The following NCKAP1 variants were observed in gnomAD, a reference collection of about 807,000 sequenced individuals.
NCKAP1 encodes nck-associated protein 1.
In NCKAP1, 21 loss-of-function variants were observed where a neutral mutation model predicts 151.2. The observed-to-expected ratio is 0.14, with a 90% confidence interval of 0.10 to 0.20. NCKAP1 has a LOEUF of 0.20. Among genes scored for constraint, NCKAP1 ranks in the 10% least tolerant of loss-of-function variants. The probability of loss-of-function intolerance (pLI) is 1.00; values close to 1 mark genes in which losing one functional copy is unlikely to be tolerated. For synonymous variants in NCKAP1, 484 were observed against 451.8 expected, an observed-to-expected ratio of 1.07 and a Z score of -0.90; for missense variants, 933 against 1,352.1, an observed-to-expected ratio of 0.69 and a Z score of 4.86.
rs952211894 is a variant in NCKAP1, at chr2:182,914,366, C to G, written c.*11336G>C. On this transcript the variant is annotated 3_prime_UTR_variant, in exon 31 of 31. Coordinates refer to ENST00000361354, the MANE Select transcript of NCKAP1 (RefSeq NM_013436.5). ...GGGAGCTGACGTTTTGGACTCTGGACAGATACAATACATACCTGCTGCCAG... is the reference window on the plus strand; with the variant it reads ...GGGAGCTGACGTTTTGGACTCTGGAGAGATACAATACATACCTGCTGCCAG... 9 of 152,152 alleles carry G rather than the reference C, an allele frequency of 5.9e-5. No homozygotes were observed. The highest frequency in any genetic ancestry group is 9.7e-5 in the African/African-American group (4 of 41,424). 9.4% of individuals were successfully genotyped at this position (152,152 alleles called of 1,614,324 possible). A position where few individuals can be genotyped will look rare whatever the true frequency, so the allele number is the denominator to read the frequency against.
At chr2:183,027,378 C>T (rs2705746) in intron 1 of NCKAP1, among the ~76,000 whole-genome samples, 9,224 of 152,164 alleles carry the variant, frequency 0.061, 451 homozygotes, top group African/African-American at 0.13. Context: ...AAGTACTAGG[C>T]CCCATCTTAT....
chr2:182,977,613 G>A (rs1303391092), intron 14 of NCKAP1, among the ~76,000 whole-genome samples: 1 of 152,142 alleles, frequency 6.6e-6, no homozygotes, highest in African/African-American at 2.4e-5. Context: ...GTCACAGCAA[G>A]ACAAATACTC....
rs1179083096 is a variant in NCKAP1 at position 183,020,464 on chromosome 2, CAAAAAAA to C, written c.219+3335_219+3341del. Among the ~76,000 whole-genome samples the C allele has an allele frequency of 1.0e-3, 72 of 71,598 alleles. 1 individual carries two copies. Among genetic ancestry groups the C allele is most frequent in the Non-Finnish European group, 1.8e-3 (62 of 35,090 alleles). 47.0% of individuals were successfully genotyped at this position (71,598 alleles called of 152,430 possible). On this transcript the variant is annotated intron_variant, in intron 2 of 30. Transcript: ENST00000361354. ...TGGGCAATAAAGCAGGACCGTGTCC[CAAAAAAA>C]AAAAAAAAAGAAAAAAAAGAAAAAA...
chr2:182,948,263 A>C (rs534282166), intron 23 of NCKAP1, among the ~76,000 whole-genome samples: 2 of 152,262 alleles, frequency 1.3e-5, no homozygotes, highest in South Asian at 4.1e-4. Flanking sequence ...GTTATTATGA[A>C]GGTAAAATGA....
chr2:183,008,568 T>C (rs774457612), intron 2 of NCKAP1, among the ~76,000 whole-genome samples: 4 of 152,132 alleles, frequency 2.6e-5, no homozygotes, highest in Non-Finnish European at 5.9e-5. Context: ...ACCAAGTATG[T>C]TCCCATCGCA....
At chr2:183,019,133 G>A (rs1236648460) in intron 2 of NCKAP1, among the ~76,000 whole-genome samples, 1 of 152,162 alleles carries the variant, frequency 6.6e-6, no homozygotes, top group Admixed American at 6.5e-5. Context: ...CTACTCGCCA[G>A]CAATGTCCCT....
intron 18 of NCKAP1, among the ~76,000 whole-genome samples, chr2:182,959,917 C>A (rs2105830337): frequency 1.3e-5 from 2 of 152,252 alleles, no homozygotes; most frequent in Middle Eastern, 6.8e-3. Context: ...GTGCAAAAAT[C>A]ACAAGCATTC....
chr2:182,997,718 C>G (rs1409098709), intron 6 of NCKAP1, among the ~76,000 whole-genome samples: 1 of 152,100 alleles, frequency 6.6e-6, no homozygotes, highest in African/African-American at 2.4e-5. Flanking sequence ...ACCTACCAAC[C>G]AGAAAAAGCC....
chr2:182,996,527 A>C (rs980503186), intron 6 of NCKAP1, among the ~76,000 whole-genome samples: 6 of 151,872 alleles, frequency 4.0e-5, no homozygotes, highest in Non-Finnish European at 7.4e-5. Context: ...GTGCGATCTC[A>C]GCTCACTGCA....
rs1386959406 is a variant in NCKAP1, at chr2:182,925,000, AT to A, written c.*701del. The A allele has an allele frequency of 5.3e-5, 8 of 152,248 alleles. No homozygotes were observed. Among genetic ancestry groups the A allele is most frequent in the Admixed American group, 2.0e-4 (3 of 15,286 alleles). The allele number at this position is 152,248 out of a possible 1,614,324, so 9.4% of individuals were successfully genotyped here. A position where few individuals can be genotyped will look rare whatever the true frequency, so the allele number is the denominator to read the frequency against. On this transcript the variant is annotated 3_prime_UTR_variant, in exon 31 of 31. Coordinates refer to ENST00000361354, the MANE Select transcript of NCKAP1 (RefSeq NM_013436.5). ...TAACATTTGTATCAACAGTTGATAA[AT>A]GTCTAAGATTGTTTATTATACAGCA...
At position 182,920,847 on chromosome 2, in the gene NCKAP1, G is replaced by A. The variant is rs577572616; in HGVS notation, c.*4855C>T. 1.3e-5 allele frequency: 2 copies of A among 151,662 alleles called. No homozygotes were observed. Among genetic ancestry groups the A allele is most frequent in the South Asian group, 4.2e-4 (2 of 4,794 alleles). 9.4% of individuals were successfully genotyped at this position (151,662 alleles called of 1,614,324 possible). The stretch of plus-strand genomic sequence containing the variant: ...TTCAGACCACAGCACAAAGGTTAGG[G>A]ACAACTTCTTAAGTAATTGTGTGAT... On this transcript the variant is annotated 3_prime_UTR_variant, in exon 31 of 31. Transcript: ENST00000361354.
chr2:183,035,203 A>C (rs528364594), intron 1 of NCKAP1, among the ~76,000 whole-genome samples: 42 of 152,204 alleles, frequency 2.8e-4, no homozygotes, highest in African/African-American at 9.6e-4. Context: ...GTGTTCCTAC[A>C]TCCTCCGTCA....
chr2:182,944,311 G>T (rs1697055712), intron 23 of NCKAP1, among the ~76,000 whole-genome samples: 1 of 152,076 alleles, frequency 6.6e-6, no homozygotes, highest in South Asian at 2.1e-4. Context: ...ATATAATTTA[G>T]TTGGTATTGT....
Position 182,921,918 on chromosome 2 carries a change from A to C in NCKAP1, c.*3784T>G, listed in dbSNP as rs1156319304. On this transcript the variant is annotated 3_prime_UTR_variant, in exon 31 of 31. Coordinates refer to ENST00000361354, the MANE Select transcript of NCKAP1 (RefSeq NM_013436.5). ...ATTCCACAGGACCAATTAACGAAAA[A>C]CATAATTTTTGTACTACAGAATAAA... is the stretch of plus-strand genomic sequence containing the variant. The C allele has an allele frequency of 6.6e-6, 1 of 152,208 alleles. No individual in the cohort carries two copies. Among genetic ancestry groups the C allele is most frequent in the Non-Finnish European group, 1.5e-5 (1 of 68,030 alleles). 9.4% of individuals were successfully genotyped at this position (152,208 alleles called of 1,614,324 possible).
At chr2:183,037,265 T>C (rs1042491427) in intron 1 of NCKAP1, among the ~76,000 whole-genome samples, 1 of 152,170 alleles carries the variant, frequency 6.6e-6, no homozygotes, top group African/African-American at 2.4e-5. Flanking sequence ...CACCGAACTT[T>C]AAGAAATGGT....
chr2:182,960,078 AAG>A (rs1401936446), intron 18 of NCKAP1, among the ~76,000 whole-genome samples: 5 of 152,222 alleles, frequency 3.3e-5, no homozygotes, highest in Non-Finnish European at 7.3e-5. Flanking sequence ...AATGAAATAA[AAG>A]AGGATACAAA....
chr2:182,937,988 T>G (rs1696915031), intron 24 of NCKAP1, among the ~76,000 whole-genome samples: 1 of 152,238 alleles, frequency 6.6e-6, no homozygotes, highest in South Asian at 2.1e-4. Context: ...ACACAATGTT[T>G]CTAAACTTTT....
chr2:182,942,889 T>C (rs778023584), intron 23 of NCKAP1, among the ~76,000 whole-genome samples: 12 of 152,156 alleles, frequency 7.9e-5, no homozygotes, highest in Non-Finnish European at 1.2e-4. Context: ...GAGATAAGCC[T>C]AGACAACAAT....
chr2:182,984,030 C>CAA (rs778537830), intron 10 of NCKAP1, among the ~76,000 whole-genome samples: 7 of 115,570 alleles, frequency 6.1e-5, no homozygotes, highest in African/African-American at 9.6e-5. Context: ...GACTCCACCT[C>CAA]AAAAAAAAAA....
Sources: allele counts gnomAD v4.1 joint callset (sites outside exome capture counted in the v4.1 genomes callset), GRCh38; gene constraint gnomAD v4.1.1; transcripts MANE v1.5; gene names NCBI Gene and HGNC (gene_info 2026-07-23, HGNC 2026-07-21).